Variants in NAALADL2 observed in about 807,000 individuals in gnomAD.
NAALADL2 encodes the protein inactive N-acetylated-alpha-linked acidic dipeptidase-like protein 2.
NAALADL2 carries 76 observed loss-of-function variants against 87.2 expected under a neutral mutation model. The ratio of observed to expected loss-of-function variants is 0.87; its 90% CI spans 0.72 to 1.05. The LOEUF (loss-of-function observed/expected upper bound fraction) is 1.05. Ranked by LOEUF, NAALADL2 falls within the 50% of genes least tolerant of loss-of-function variation. The probability of loss-of-function intolerance (pLI) is 0.00; values close to 1 mark genes in which losing one functional copy is unlikely to be tolerated. For synonymous variants in NAALADL2, 354 were observed against 331.0 expected (o/e 1.07, Z -0.75); for missense variants, 1,089 against 945.8 (o/e 1.15, Z -1.99).
chr3:175,096,993 A>C lies in NAALADL2; in HGVS notation c.247A>C (p.Asn83His), dbSNP rs773726038. 1.6e-5 allele frequency: 26 copies of C among 1,613,374 alleles called. No individual in the cohort carries two copies. Among genetic ancestry groups the C allele is most frequent in the Non-Finnish European group, 2.0e-5 (24 of 1,179,674 alleles). Residue 83 changes from asparagine to histidine, a missense_variant, in exon 2 of 14, where the codon AAT becomes CAT. Asn to His is a moderately conservative substitution (Grantham distance 68). Coordinates refer to ENST00000454872, the MANE Select transcript of NAALADL2 (RefSeq NM_207015.3). Reference sequence around the variant, plus strand: ...AGGGCATTCAGAGACTATAGACCTCAATCTTGATTCCATTCAACCAGCAAC... The same window carrying C: ...AGGGCATTCAGAGACTATAGACCTCCATCTTGATTCCATTCAACCAGCAAC... ...NLGHSETIDL[N>H]LDSIQPATSP...
chr3:174,987,827 T>TATATATATATATATAA (rs1222203525), intron 1 of NAALADL2, among the ~76,000 whole-genome samples: 25 of 130,382 alleles, frequency 1.9e-4, no homozygotes, highest in South Asian at 4.7e-4. Flanking sequence ...TATATATATA[T>TATATATATATATATAA]AATGAGACCT....
chr3:175,562,512 T>C (rs1477228534), intron 9 of NAALADL2, among the ~76,000 whole-genome samples: 2 of 151,994 alleles, frequency 1.3e-5, no homozygotes. Context: ...TACTATTTTT[T>C]CTTGTTTTCC....
intron 1 of NAALADL2, among the ~76,000 whole-genome samples, chr3:174,444,014 AAAAG>A (rs1714860893): frequency 2.6e-5 from 4 of 152,090 alleles, no homozygotes; most frequent in Admixed American, 1.3e-4. Flanking sequence ...ATTTTTATTG[AAAAG>A]GGAGGGAGGA....
chr3:175,776,327 C>T (rs1038309270), intron 13 of NAALADL2: 6 of 152,118 alleles, frequency 3.9e-5, no homozygotes, highest in African/African-American at 1.2e-4. Context: ...TTCTTTCAAC[C>T]TGTAACATTG....
intron 9 of NAALADL2, among the ~76,000 whole-genome samples, chr3:175,539,463 G>A (rs1038645121): frequency 3.9e-5 from 6 of 151,978 alleles, no homozygotes; most frequent in African/African-American, 1.2e-4. Context: ...ACAAATATAA[G>A]TAAATAATTA....
intron 2 of NAALADL2, among the ~76,000 whole-genome samples, chr3:175,165,350 A>G (rs549143962): frequency 6.2e-4 from 94 of 152,306 alleles, no homozygotes; most frequent in South Asian, 4.8e-3. Flanking sequence ...TGAATTCTTG[A>G]TAAATGCTTA....
chr3:174,496,802 G>A (rs560022774), intron 1 of NAALADL2, among the ~76,000 whole-genome samples: 23 of 152,102 alleles, frequency 1.5e-4, no homozygotes, highest in Admixed American at 1.4e-3. Context: ...TATAACCTCC[G>A]TAATTTTTGT....
intron 11 of NAALADL2, among the ~76,000 whole-genome samples, chr3:175,696,193 A>G (rs1455657853): frequency 6.6e-6 from 1 of 152,194 alleles, no homozygotes; most frequent in Non-Finnish European, 1.5e-5. Flanking sequence ...AATATACATT[A>G]GTGCTCATCT....
chr3:174,752,597 T>G (rs1734946432), intron 3 of NAALADL2, among the ~76,000 whole-genome samples: 1 of 152,076 alleles, frequency 6.6e-6, no homozygotes, highest in Non-Finnish European at 1.5e-5. Flanking sequence ...TTTTTTTTTA[T>G]TTCACATAAC....
Position 174,772,116 on chromosome 3 carries a change from G to A in NAALADL2, c.-9+34370G>A, listed in dbSNP as rs557408300. Among the ~76,000 whole-genome samples the A allele has an allele frequency of 3.3e-3, 498 of 152,174 alleles. 1 individual carries two copies. Among genetic ancestry groups the A allele is most frequent in the Middle Eastern group, 0.014 (4 of 292 alleles). On this transcript the variant is annotated intron_variant, in intron 3 of 3. Coordinates refer to the NAALADL2 transcript ENST00000434257. ...TTTCTGATACAAAGGAAATGACTAA[G>A]CTTTCCCAAAATATAGAAATAAATC...
chr3:174,536,824 C>T (rs1475107013), intron 1 of NAALADL2: 7 of 152,122 alleles, frequency 4.6e-5, no homozygotes, highest in Non-Finnish European at 1.0e-4. Context: ...CATATTTTGT[C>T]ACCTGGGGGA....
chr3:174,702,675 G>A (rs527920276), intron 2 of NAALADL2, among the ~76,000 whole-genome samples: 5 of 152,262 alleles, frequency 3.3e-5, no homozygotes, highest in Admixed American at 6.5e-5. Flanking sequence ...TTACTATACT[G>A]TACTCAATAC....
chr3:175,206,361 CA>C lies in NAALADL2; in HGVS notation c.546-27569del, dbSNP rs1240955146. On this transcript the variant is annotated intron_variant, in intron 2 of 13. Transcript: ENST00000454872. ...ATATATAATGTATATGTTATATATA[CA>C]CGATGGAATACTATTCAGCCATAAA... Among the ~76,000 whole-genome samples, 2 of 145,688 alleles carry C rather than the reference CA, an allele frequency of 1.4e-5. 1 individual carries two copies. The highest frequency in any genetic ancestry group is 3.0e-5 in the Non-Finnish European group (2 of 67,052).
At chr3:175,711,508 A>C (rs1449990341) in intron 11 of NAALADL2, among the ~76,000 whole-genome samples, 9 of 151,868 alleles carry the variant, frequency 5.9e-5, no homozygotes, top group Non-Finnish European at 1.2e-4. Flanking sequence ...TAGTGGATAG[A>C]ATTTTCATTT....
At chr3:174,979,146 C>A (rs2108642581) in intron 1 of NAALADL2, among the ~76,000 whole-genome samples, 1 of 152,030 alleles carries the variant, frequency 6.6e-6, no homozygotes, top group Admixed American at 6.6e-5. Context: ...GCTCTCTTAA[C>A]CTTTTCTTGT....
chr3:175,290,485 G>C (rs1027508845), intron 4 of NAALADL2, among the ~76,000 whole-genome samples: 18 of 152,178 alleles, frequency 1.2e-4, no homozygotes, highest in Non-Finnish European at 5.9e-5. Context: ...AAATTTGGGA[G>C]TTGGGGGATG....
chr3:175,510,325 T>A (rs1311005692), intron 9 of NAALADL2, among the ~76,000 whole-genome samples: 1 of 152,096 alleles, frequency 6.6e-6, no homozygotes, highest in African/African-American at 2.4e-5. Context: ...GGAACTAAAA[T>A]TCAAGATGAG....
intron 4 of NAALADL2, among the ~76,000 whole-genome samples, chr3:175,317,939 C>T (rs1299613275): frequency 1.3e-5 from 2 of 152,004 alleles, no homozygotes; most frequent in Non-Finnish European, 1.5e-5. Flanking sequence ...GAAATTCCAC[C>T]TGTGGAAATA....
intron 1 of NAALADL2, among the ~76,000 whole-genome samples, chr3:174,502,900 G>A (rs577082775): frequency 2.6e-5 from 4 of 151,880 alleles, no homozygotes; most frequent in Admixed American, 6.6e-5. Context: ...GTGGTGGTGC[G>A]CGCCTGTAGT....
Sources: gnomAD v4.1 joint callset for allele counts (sites outside exome capture counted in the v4.1 genomes callset) on GRCh38, gnomAD v4.1.1 for gene constraint, MANE v1.5 for transcripts, NCBI Gene and HGNC (gene_info 2026-07-23, HGNC 2026-07-21) for gene names.